Variants in TARS3 observed in about 807,000 individuals in gnomAD.
TARS3 encodes the protein threonine--tRNA ligase 2, cytoplasmic.
In TARS3, 94 loss-of-function variants were observed where a neutral mutation model predicts 103.5. The observed-to-expected ratio is 0.91, with a 90% CI of 0.77 to 1.08. The LOEUF is 1.08. TARS3 is among the 50% of genes least tolerant of loss of function. The pLI is 0.00. For missense variants in TARS3, 952 were observed against 995.2 expected (o/e 0.96, Z 0.58); for synonymous variants, 416 against 355.4 (o/e 1.17, Z -1.92).
chr15:101,664,907 G>A (rs1489774699), intron 15 of TARS3, among the ~76,000 whole-genome samples: 2 of 149,632 alleles, frequency 1.3e-5, no homozygotes, highest in African/African-American at 2.4e-5. Context: ...GTCTCAGGAA[G>A]AAACACAAAA....
intron 10 of TARS3, among the ~76,000 whole-genome samples, chr15:101,691,955 T>A (rs1898745277): frequency 6.6e-6 from 1 of 152,148 alleles, no homozygotes; most frequent in African/African-American, 2.4e-5. Context: ...GAGAATTACA[T>A]CTCCAACTTT....
intron 10 of TARS3, among the ~76,000 whole-genome samples, chr15:101,698,606 G>A (rs1448235231): frequency 6.6e-6 from 1 of 152,142 alleles, no homozygotes; most frequent in Non-Finnish European, 1.5e-5. Context: ...ACTATCTATT[G>A]CATTATTCCT....
intron 9 of TARS3, 31 bp from the exon 10 acceptor site, chr15:101,701,215 G>T: frequency 7.3e-7 from 1 of 1,377,988 alleles, no homozygotes; most frequent in Non-Finnish European, 1.0e-6. Context: ...CATTTCAAAT[G>T]TCATCTGCTA....
chr15:101,674,818 A>T (rs954106747), intron 13 of TARS3, among the ~76,000 whole-genome samples: 1 of 152,010 alleles, frequency 6.6e-6, no homozygotes, highest in African/African-American at 2.4e-5. Context: ...AAAAAAAAGA[A>T]AAAAAGAAAA....
At position 101,656,958 on chromosome 15, in the gene TARS3, G is replaced by C. The variant is rs373605221; in HGVS notation, c.2224C>G (p.Arg742Gly). ...TTATACTGAGCCAGCTGTGCATTTCGTATTTTCTTATTTAGTGTACAACTG... is the reference window on the plus strand; with the variant it reads ...TTATACTGAGCCAGCTGTGCATTTCCTATTTTCTTATTTAGTGTACAACTG... ...DHSCTLNKKI[R>G]NAQLAQYNFI... Residue 742 changes from arginine (R) to glycine (G), a missense_variant, in exon 18 of 19, where the codon CGA becomes GGA. By Grantham distance (125) the Arg-to-Gly change is moderately radical (BLOSUM62 -2). Transcript: ENST00000335968. The C allele has an allele frequency of 1.2e-6, 2 of 1,612,408 alleles. No individual in the cohort carries two copies. The highest frequency in any genetic ancestry group is 2.2e-5 in the East Asian group (1 of 44,832).
Position 101,705,009 on chromosome 15 carries a change from G to T in TARS3, c.995+674C>A, listed in dbSNP as rs549311722. On this transcript the variant is annotated intron_variant, in intron 7 of 18. Transcript: ENST00000335968. ...GTGGTTATAATTAAATAAATACCAG[G>T]TCTTCTAAGGCGGTACTGTGATAGT... Among the ~76,000 whole-genome samples, 8 of 152,234 alleles carry T rather than the reference G, an allele frequency of 5.3e-5. No individual in the cohort carries two copies. The East Asian group carries it at 1.4e-3, about 26-fold the overall frequency.
intron 15 of TARS3, among the ~76,000 whole-genome samples, chr15:101,669,426 T>A (rs1271702649): frequency 6.6e-6 from 1 of 152,070 alleles, no homozygotes; most frequent in Non-Finnish European, 1.5e-5. Flanking sequence ...AAGAAAAAAA[T>A]TATTTAAATT....
At chr15:101,699,277 T>C in intron 10 of TARS3, 1 of 357,604 alleles carries the variant, frequency 2.8e-6, no homozygotes. Flanking sequence ...CGCCTGTGTC[T>C]GTCAAATATT....
intron 12 of TARS3, among the ~76,000 whole-genome samples, chr15:101,681,787 C>T (rs745437162): frequency 7.2e-5 from 11 of 152,204 alleles, no homozygotes; most frequent in Non-Finnish European, 1.0e-4. Flanking sequence ...CCAAAAGCCC[C>T]ATTTCCAAAC....
At chr15:101,707,459 T>C (rs1301834187) in intron 6 of TARS3, among the ~76,000 whole-genome samples, 1 of 152,238 alleles carries the variant, frequency 6.6e-6, no homozygotes, top group East Asian at 1.9e-4. Flanking sequence ...GGTGGATGAA[T>C]GGATCAACAA....
rs1485856272 is a variant in TARS3 at position 101,684,294 on chromosome 15, ATC to A, written c.1488-59_1488-58del. ...CACAGCACAGAAATATTAAATAATT[ATC>A]TAAATATAAAGAAATTACAATTAAG... On this transcript the variant is annotated intron_variant, in intron 11 of 18. Coordinates refer to ENST00000335968, the MANE Select transcript of TARS3 (RefSeq NM_152334.3). 3.5e-6 allele frequency: 5 copies of A among 1,434,748 alleles called. No homozygotes were observed. In the African/African-American group the frequency reaches 7.3e-5, roughly 21 times the overall value. 88.9% of individuals were successfully genotyped at this position (1,434,748 alleles called of 1,614,324 possible). A position where few individuals can be genotyped will look rare whatever the true frequency, so the allele number is the denominator to read the frequency against.
Position 101,671,603 on chromosome 15 carries a change from G to C in TARS3, c.1867-17C>G. 2 of 1,608,876 alleles carry C rather than the reference G, an allele frequency of 1.2e-6. No individual in the cohort carries two copies. Among genetic ancestry groups the C allele is most frequent in the Non-Finnish European group, 1.7e-6 (2 of 1,175,530 alleles). On this transcript the variant is annotated splice_polypyrimidine_tract_variant and intron_variant, in intron 14 of 18. Coordinates refer to ENST00000335968, the MANE Select transcript of TARS3 (RefSeq NM_152334.3). ...TATGTCAATCTACAAATTAAATAAT[G>C]TTTGCTCAGAAAAGAGTATTTATTT...
Position 101,654,461 on chromosome 15 carries a change from G to C in TARS3, c.*121C>G. On this transcript the variant is annotated 3_prime_UTR_variant, in exon 19 of 19. Transcript: ENST00000335968. The stretch of plus-strand genomic sequence containing the variant: ...TACACGTTCATCGTCTCCTTTCTCA[G>C]CTGAGGCCATGAGTGGACCCATCAG... 9.8e-7 allele frequency: 1 copy of C among 1,024,830 alleles called. No homozygotes were observed. The highest frequency in any genetic ancestry group is 1.4e-6 in the Non-Finnish European group (1 of 715,094). The allele number at this position is 1,024,830 out of a possible 1,614,324, so 63.5% of individuals were successfully genotyped here.
At chr15:101,702,494 G>A (rs1450713889) in intron 8 of TARS3, 109 bp from the exon 9 acceptor site, 2 of 916,466 alleles carry the variant, frequency 2.2e-6, no homozygotes, top group Non-Finnish European at 3.4e-6. Flanking sequence ...AAGCAGCCCT[G>A]CATGGTGGCT....
intron 6 of TARS3, among the ~76,000 whole-genome samples, chr15:101,707,966 G>A (rs892709655): frequency 6.6e-6 from 1 of 152,088 alleles, no homozygotes; most frequent in East Asian, 1.9e-4. Context: ...GTTTTTGGTT[G>A]GGCGTGGTGG....
intron 18 of TARS3, among the ~76,000 whole-genome samples, chr15:101,655,431 A>C (rs574905293): frequency 7.6e-4 from 105 of 138,480 alleles, no homozygotes; most frequent in Non-Finnish European, 1.3e-3. Flanking sequence ...GAGAGCGGGG[A>C]GCTCTTACAG....
intron 18 of TARS3, among the ~76,000 whole-genome samples, 161 bp downstream of exon 18, chr15:101,656,760 AG>A (rs1897209650): frequency 6.6e-6 from 1 of 152,234 alleles, no homozygotes; most frequent in East Asian, 1.9e-4. Flanking sequence ...AAGAGTACCT[AG>A]GAACAGCTAA....
At chr15:101,655,296 A>T (rs1464585060) in intron 18 of TARS3, among the ~76,000 whole-genome samples, 1 of 137,056 alleles carries the variant, frequency 7.3e-6, no homozygotes, top group East Asian at 2.3e-4. Context: ...ACCTGGCACT[A>T]GGGCGCAGAT....
Position 101,702,229 on chromosome 15 carries a change from T to C in TARS3, c.1221+10A>G. ...GATTACATCTCCAGTGATTAAGATG[T>C]GGGGCATACCTTCCCGATCTTCCTG... On this transcript the variant is annotated intron_variant, in intron 9 of 18. Transcript: ENST00000335968. 1 of 1,614,080 alleles carries C rather than the reference T, an allele frequency of 6.2e-7. No individual in the cohort carries two copies. The highest frequency in any genetic ancestry group is 2.2e-5 in the East Asian group (1 of 44,876).
Sources: gnomAD v4.1 joint callset for allele counts (sites outside exome capture counted in the v4.1 genomes callset) on GRCh38, gnomAD v4.1.1 for gene constraint, MANE v1.5 for transcripts, NCBI Gene and HGNC (gene_info 2026-07-23, HGNC 2026-07-21) for gene names.